The following RNF216 variants were observed in gnomAD, a reference collection of about 807,000 sequenced individuals.
The protein encoded by RNF216 is ring finger protein 216.
In RNF216, 72 loss-of-function variants were observed where a neutral mutation model predicts 110.8. The ratio of observed to expected loss-of-function variants is 0.65; its 90% CI spans 0.54 to 0.79. RNF216 has a LOEUF of 0.79. RNF216 is among the 30% of genes least tolerant of loss of function. RNF216 has a pLI of 0.00. For synonymous variants in RNF216, 495 were observed against 407.5 expected (o/e 1.21, Z -2.59); for missense variants, 1,342 against 1,141.2 (o/e 1.18, Z -2.54).
chr7:5,631,127 C>T (rs533627014), intron 15 of RNF216, among the ~76,000 whole-genome samples: 1 of 152,056 alleles, frequency 6.6e-6, no homozygotes, highest in Non-Finnish European at 1.5e-5. Context: ...CGTAACAGGA[C>T]AAAACAAAAC....
At chr7:5,752,809 G>A (rs1304641254) in intron 3 of RNF216, 37 bp downstream of exon 3, 10 of 1,599,882 alleles carry the variant, frequency 6.3e-6, no homozygotes, top group Non-Finnish European at 7.7e-6. Flanking sequence ...TCACCAACTT[G>A]CAATAATGTC....
intron 15 of RNF216, among the ~76,000 whole-genome samples, chr7:5,625,609 A>C (rs149917346): frequency 3.9e-5 from 6 of 152,290 alleles, no homozygotes; most frequent in Non-Finnish European, 8.8e-5. Context: ...TGATTTCCCC[A>C]CACAATTGTT....
At chr7:5,660,573 G>A (rs1411484210) in intron 13 of RNF216, among the ~76,000 whole-genome samples, 1 of 151,068 alleles carries the variant, frequency 6.6e-6, no homozygotes, top group African/African-American at 2.4e-5. Flanking sequence ...TACAGGCATG[G>A]AGCCCTGTTT....
chr7:5,670,214 G>T (rs1211106974), intron 13 of RNF216, among the ~76,000 whole-genome samples: 1 of 152,084 alleles, frequency 6.6e-6, no homozygotes, highest in East Asian at 1.9e-4. Flanking sequence ...AATTACAGGC[G>T]TGAGCTACCG....
chr7:5,664,912 A>G (rs1223286476), intron 13 of RNF216, among the ~76,000 whole-genome samples: 3 of 152,086 alleles, frequency 2.0e-5, no homozygotes, highest in Admixed American at 2.0e-4. Context: ...TCTTCCTGCC[A>G]CAGCCTCCCA....
At chr7:5,712,009 G>C (rs2128629606) in intron 12 of RNF216, 170 bp from the exon 13 acceptor site, 1 of 604,160 alleles carries the variant, frequency 1.7e-6, no homozygotes, top group East Asian at 2.8e-5. Flanking sequence ...CTTTGTGCTG[G>C]CTCTTATCAG....
At chr7:5,629,380 A>G (rs1026037873) in intron 15 of RNF216, among the ~76,000 whole-genome samples, 2 of 151,976 alleles carry the variant, frequency 1.3e-5, no homozygotes, top group African/African-American at 4.8e-5. Context: ...TGGGAGGATC[A>G]CTAGAGCCCA....
intron 15 of RNF216, among the ~76,000 whole-genome samples, chr7:5,629,287 GGCAACACAGTGA>G (rs1786909227): frequency 6.6e-6 from 1 of 151,624 alleles, no homozygotes; most frequent in Non-Finnish European, 1.5e-5. Context: ...GACCAGCAAG[GGCAACACAGTGA>G]GAACCCAGCT....
intron 3 of RNF216, among the ~76,000 whole-genome samples, chr7:5,749,917 T>A (rs934295457): frequency 2.6e-5 from 4 of 152,340 alleles, no homozygotes; most frequent in African/African-American, 9.6e-5. Flanking sequence ...TGCTGGTTCT[T>A]TTAATGTTTT....
At chr7:5,686,653 G>A (rs1791004687) in intron 13 of RNF216, among the ~76,000 whole-genome samples, 2 of 152,182 alleles carry the variant, frequency 1.3e-5, no homozygotes, top group African/African-American at 4.8e-5. Context: ...AGCTGGGTTT[G>A]GAAGATTTGT....
At chr7:5,735,838 TA>T (rs1171467907) in intron 5 of RNF216, among the ~76,000 whole-genome samples, 2 of 152,176 alleles carry the variant, frequency 1.3e-5, no homozygotes, top group African/African-American at 4.8e-5. Flanking sequence ...GTCACACCTG[TA>T]ATCCCAGCAC....
intron 13 of RNF216, among the ~76,000 whole-genome samples, chr7:5,692,492 G>A (rs1055010127): frequency 6.6e-6 from 1 of 152,154 alleles, no homozygotes; most frequent in African/African-American, 2.4e-5. Flanking sequence ...AATTCCCGCG[G>A]GGCCCTGACT....
rs1403913834 is a variant in RNF216 at position 5,621,007 on chromosome 7, T to C, written c.*1853A>G. On this transcript the variant is annotated 3_prime_UTR_variant, in exon 17 of 17. Coordinates refer to ENST00000389902, the MANE Select transcript of RNF216 (RefSeq NM_207111.4). ...CTTTCCAAGGCACTGTCGTTCAGGC[T>C]AGTAGCAAAGTTCAGGCAGTCCAAC... The C allele has an allele frequency of 6.6e-6, 1 of 152,208 alleles. No individual in the cohort carries two copies. The highest frequency in any genetic ancestry group is 1.9e-4 in the East Asian group (1 of 5,186). The allele number at this position is 152,208 out of a possible 1,614,324, so 9.4% of individuals were successfully genotyped here.
At chr7:5,767,818 C>T (rs1307758293) in intron 1 of RNF216, among the ~76,000 whole-genome samples, 2 of 152,000 alleles carry the variant, frequency 1.3e-5, no homozygotes, top group Admixed American at 6.6e-5. Context: ...AGGGTGGTCT[C>T]GAATTCCTGA....
At position 5,655,940 on chromosome 7, in the gene RNF216, T is replaced by C. The variant is rs532597414; in HGVS notation, c.2062-3430A>G. 8.6e-5 allele frequency among the ~76,000 whole-genome samples: 13 copies of C among 151,314 alleles called. No individual in the cohort carries two copies. The South Asian group carries it at 1.1e-3, about 12-fold the overall frequency. ...AGTGTGATCTCGGCTTACTGCAACC[T>C]CCACCTCCTGGGCTCAAGCGATCTC... On this transcript the variant is annotated intron_variant, in intron 13 of 16. Coordinates refer to ENST00000389902, the MANE Select transcript of RNF216 (RefSeq NM_207111.4).
chr7:5,722,939 G>A (rs73341621), intron 8 of RNF216, among the ~76,000 whole-genome samples: 9,869 of 151,774 alleles, frequency 0.065, 1,015 homozygotes, highest in African/African-American at 0.22. Context: ...AGTGGACTCC[G>A]TCTTAAAATT....
intron 2 of RNF216, among the ~76,000 whole-genome samples, chr7:5,755,416 A>G (rs1305394131): frequency 6.6e-6 from 1 of 152,230 alleles, no homozygotes; most frequent in Admixed American, 6.5e-5. Context: ...TACAAGCTCT[A>G]TGAATTAATA....
rs577187325 is a variant in RNF216, at chr7:5,739,425, G to C, written c.1045-73C>G. 20 of 1,420,470 alleles carry C rather than the reference G, an allele frequency of 1.4e-5. No homozygotes were observed. The African/African-American group carries it at 2.8e-4, about 20-fold the overall frequency. 88.0% of individuals were successfully genotyped at this position (1,420,470 alleles called of 1,614,324 possible). On this transcript the variant is annotated intron_variant, in intron 4 of 16. Transcript: ENST00000389902. ...TTCAAATGGCAATACAAGACAGATG[G>C]CAAAAAGTATAATAAAATGACTAAA...
Position 5,697,186 on chromosome 7 carries a change from C to A in RNF216, c.2061+14575G>T, listed in dbSNP as rs578078329. Among the ~76,000 whole-genome samples the A allele has an allele frequency of 2.7e-5, 4 of 149,964 alleles. No individual in the cohort carries two copies. The South Asian group carries it at 6.2e-4, about 23-fold the overall frequency. On this transcript the variant is annotated intron_variant, in intron 13 of 16. Coordinates refer to ENST00000389902, the MANE Select transcript of RNF216 (RefSeq NM_207111.4). ...TCTGGGCCTGGAGTAAAGTTCTCCC[C>A]ATCTCCGCCAATAAGACCCCACCAC... is the stretch of plus-strand genomic sequence containing the variant.
Sources: gnomAD v4.1 joint callset for allele counts (sites outside exome capture counted in the v4.1 genomes callset) on GRCh38, gnomAD v4.1.1 for gene constraint, MANE v1.5 for transcripts, NCBI Gene and HGNC (gene_info 2026-07-23, HGNC 2026-07-21) for gene names.